Variants in MYT1L observed in about 807,000 individuals in gnomAD.
MYT1L encodes the protein myelin transcription factor 1 like.
A neutral mutation model predicts 126.7 loss-of-function variants in MYT1L; 12 were observed. That is an observed-to-expected ratio of 0.09 (90% CI 0.06 to 0.15). The LOEUF (loss-of-function observed/expected upper bound fraction) is 0.15. Ranked by LOEUF, MYT1L falls within the 10% of genes least tolerant of loss-of-function variation. MYT1L has a pLI of 1.00. For missense variants in MYT1L, 979 were observed against 1,585.2 expected, an observed-to-expected ratio of 0.62 and a Z score of 6.49; for synonymous variants, 541 against 604.2, an observed-to-expected ratio of 0.90 and a Z score of 1.53.
chr2:1,876,596 C>T (rs7583657), intron 18 of MYT1L, among the ~76,000 whole-genome samples: 45 of 152,220 alleles, frequency 3.0e-4, no homozygotes, highest in African/African-American at 9.9e-4. Context: ...GGATGCTGTT[C>T]GCCCACACTG....
At chr2:2,159,866 T>C (rs2087544101) in intron 3 of MYT1L, among the ~76,000 whole-genome samples, 1 of 152,062 alleles carries the variant, frequency 6.6e-6, no homozygotes. Flanking sequence ...TTTTCTTCTT[T>C]CTCTCCTTAC....
chr2:1,991,235 C>T (rs1483635567), intron 5 of MYT1L, among the ~76,000 whole-genome samples: 1 of 152,192 alleles, frequency 6.6e-6, no homozygotes, highest in Non-Finnish European at 1.5e-5. Context: ...ATCCGGGGCT[C>T]CTGTTGGATC....
At chr2:1,908,170 A>C (rs1217323352) in intron 13 of MYT1L, among the ~76,000 whole-genome samples, 1 of 152,228 alleles carries the variant, frequency 6.6e-6, no homozygotes, top group Non-Finnish European at 1.5e-5. Context: ...CTTTGCACCA[A>C]TCCAGAAACA....
At chr2:1,863,893 G>C (rs552121921) in intron 18 of MYT1L, among the ~76,000 whole-genome samples, 1 of 152,220 alleles carries the variant, frequency 6.6e-6, no homozygotes, top group East Asian at 1.9e-4. Flanking sequence ...ACTCCCTCTC[G>C]GGAGGAGCCT....
chr2:2,320,337 G>A (rs368767373), intron 1 of MYT1L, among the ~76,000 whole-genome samples: 9 of 152,180 alleles, frequency 5.9e-5, no homozygotes, highest in East Asian at 5.8e-4. Flanking sequence ...TTTGTCTTGC[G>A]AAAGTGCTCA....
chr2:2,061,483 G>A (rs558069391), intron 3 of MYT1L, among the ~76,000 whole-genome samples: 1 of 152,134 alleles, frequency 6.6e-6, no homozygotes, highest in Admixed American at 6.5e-5. Flanking sequence ...CAACCCCCTT[G>A]CAACAACCTT....
chr2:2,299,082 G>T (rs546526480), intron 1 of MYT1L, among the ~76,000 whole-genome samples: 86 of 152,268 alleles, frequency 5.6e-4, no homozygotes, highest in Non-Finnish European at 1.1e-3. Context: ...TCGATCTCCT[G>T]ACCTGGTGAT....
intron 3 of MYT1L, among the ~76,000 whole-genome samples, chr2:2,146,028 CA>C (rs778254026): frequency 6.6e-6 from 1 of 152,152 alleles, no homozygotes; most frequent in African/African-American, 2.4e-5. Context: ...CCCATCTTAA[CA>C]AAGGGAATTA....
intron 9 of MYT1L, among the ~76,000 whole-genome samples, chr2:1,933,404 A>C (rs947166006): frequency 1.3e-5 from 2 of 152,196 alleles, no homozygotes; most frequent in African/African-American, 2.4e-5. Context: ...CCAGAAAAAA[A>C]CGCAGAGGGG....
At chr2:2,021,680 G>A (rs1268492324) in intron 4 of MYT1L, among the ~76,000 whole-genome samples, 2 of 152,198 alleles carry the variant, frequency 1.3e-5, no homozygotes, top group Non-Finnish European at 2.9e-5. Context: ...GGCTGATCAC[G>A]AGGTCAGGAG....
chr2:2,190,575 A>AAAAG (rs2092535184), intron 2 of MYT1L, among the ~76,000 whole-genome samples: 1 of 141,132 alleles, frequency 7.1e-6, no homozygotes, highest in African/African-American at 3.2e-5. Flanking sequence ...AAAAAAAAAA[A>AAAAG]AAGAAGAAGA....
intron 4 of MYT1L, among the ~76,000 whole-genome samples, chr2:2,021,112 G>GT (rs1399208993): frequency 6.6e-6 from 1 of 152,214 alleles, no homozygotes; most frequent in Non-Finnish European, 1.5e-5. Context: ...CTTTAGAAGG[G>GT]TGGGGAGCTT....
At chr2:2,038,650 C>T (rs892188387) in intron 4 of MYT1L, among the ~76,000 whole-genome samples, 2 of 151,984 alleles carry the variant, frequency 1.3e-5, no homozygotes, top group Non-Finnish European at 2.9e-5. Context: ...AGTAATGTGA[C>T]GTTGCTTGTT....
intron 4 of MYT1L, among the ~76,000 whole-genome samples, chr2:2,027,425 C>G (rs951999673): frequency 1.3e-5 from 2 of 152,236 alleles, no homozygotes; most frequent in South Asian, 4.1e-4. Context: ...ATTCGGTTGG[C>G]GAAAGGCACA....
intron 3 of MYT1L, among the ~76,000 whole-genome samples, chr2:2,099,263 G>A (rs567755628): frequency 1.3e-5 from 2 of 152,162 alleles, no homozygotes; most frequent in East Asian, 3.9e-4. Context: ...AATCATCTGT[G>A]TGTGTGCAAC....
intron 4 of MYT1L, among the ~76,000 whole-genome samples, chr2:2,003,290 A>T (rs1276837527): frequency 1.3e-5 from 2 of 152,130 alleles, no homozygotes; most frequent in Non-Finnish European, 2.9e-5. Context: ...GACGTTTCAC[A>T]TAAATTGTTG....
chr2:2,082,534 G>GT (rs2075948502), intron 3 of MYT1L, among the ~76,000 whole-genome samples: 1 of 152,086 alleles, frequency 6.6e-6, no homozygotes. Context: ...GAGAATGTTT[G>GT]TTTTTTTCTC....
chr2:2,124,588 G>T (rs1479884596), intron 3 of MYT1L, among the ~76,000 whole-genome samples: 1 of 152,194 alleles, frequency 6.6e-6, no homozygotes, highest in African/African-American at 2.4e-5. Flanking sequence ...GAGCCACCCT[G>T]CCTGGCCCAG....
At chr2:2,230,698 A>C (rs770871128) in intron 2 of MYT1L, among the ~76,000 whole-genome samples, 5 of 152,228 alleles carry the variant, frequency 3.3e-5, no homozygotes, top group Non-Finnish European at 7.3e-5. Flanking sequence ...CAAAGCTGAC[A>C]GCACTGATGT....
Sources: allele counts gnomAD v4.1 joint callset (sites outside exome capture counted in the v4.1 genomes callset), GRCh38; gene constraint gnomAD v4.1.1; transcripts MANE v1.5; gene names NCBI Gene and HGNC (gene_info 2026-07-23, HGNC 2026-07-21).